Variants in PANX2 observed in about 807,000 individuals in gnomAD.
PANX2 encodes pannexin 2, also known as pannexin-2.
A neutral mutation model predicts 38.7 loss-of-function variants in PANX2; 30 were observed. The ratio of observed to expected loss-of-function variants is 0.78; its 90% CI spans 0.58 to 1.05. PANX2 has a LOEUF of 1.05. PANX2 is among the 50% of genes least tolerant of loss of function. The pLI is 0.00. For missense variants in PANX2, 880 were observed against 979.3 expected (o/e 0.90, Z 1.35); for synonymous variants, 539 against 472.1 (o/e 1.14, Z -1.84).
chr22:50,178,550 G>A, intron 2 of PANX2, 148 bp downstream of exon 2: 1 of 575,262 alleles, frequency 1.7e-6, no homozygotes, highest in Non-Finnish European at 2.9e-6. Context: ...GGAGGAGGCC[G>A]AGGTTTGAAC....
At chr22:50,176,806 A>G in intron 1 of PANX2, 133 bp from the exon 2 acceptor site, 1 of 952,640 alleles carries the variant, frequency 1.0e-6, no homozygotes. Flanking sequence ...GGGCAACCGC[A>G]GGTGCTGTGT....
Position 50,178,218 on chromosome 22 carries a change from G to T in PANX2, c.1506G>T (p.Pro502=). Reference sequence around the variant, plus strand: ...GCCCCGCCCCTGCCCCCGCCCCGCCGCCCGCCCCTGACAAGAAGCACGCGC... The same window carrying T: ...GCCCCGCCCCTGCCCCCGCCCCGCCTCCCGCCCCTGACAAGAAGCACGCGC... ...GPGPAPAPAP[P]PAPDKKHARH... is the part of the protein sequence containing the mutation. Residue 502 remains proline (P), a synonymous_variant, in exon 2 of 3, where the codon CCG becomes CCT. Coordinates refer to ENST00000395842, the MANE Select transcript of PANX2 (RefSeq NM_052839.4). 2 of 952,720 alleles carry T rather than the reference G, an allele frequency of 2.1e-6. No individual in the cohort carries two copies. Among genetic ancestry groups the T allele is most frequent in the South Asian group, 1.9e-5 (1 of 51,986 alleles). 59.0% of individuals were successfully genotyped at this position (952,720 alleles called of 1,614,324 possible).
intron 1 of PANX2, among the ~76,000 whole-genome samples, chr22:50,176,101 G>A (rs1177624236): frequency 6.6e-6 from 1 of 152,190 alleles, no homozygotes; most frequent in Non-Finnish European, 1.5e-5. Context: ...AGGCCCCCAG[G>A]CTCTGAGCCT....
chr22:50,177,578 T>G lies in PANX2; in HGVS notation c.866T>G (p.Ile289Ser), dbSNP rs1347325053. ...CTCCCGTCCGTGCAACTGCAGCGCA[T>G]CATCGCGGGCGTGGACATCGTGCTG... ...CKLPSVQLQR[I>S]IAGVDIVLLC... The change falls in exon 2 of 3, where the codon ATC becomes AGC. Residue 289 changes from isoleucine (I) to serine (S), a missense_variant. Around this residue, in one of 4 missense-constraint regions of PANX2, gnomAD observed 114 missense variants for 108.8 expected, o/e 1.05. Coordinates refer to ENST00000395842, the MANE Select transcript of PANX2 (RefSeq NM_052839.4). 1 of 1,612,680 alleles carries G rather than the reference T, an allele frequency of 6.2e-7. No individual in the cohort carries two copies. Among genetic ancestry groups the G allele is most frequent in the Non-Finnish European group, 8.5e-7 (1 of 1,179,936 alleles).
Position 50,177,460 on chromosome 22 carries a change from G to A in PANX2, c.748G>A (p.Ala250Thr), listed in dbSNP as rs1341915088. 1 of 1,608,678 alleles carries A rather than the reference G, an allele frequency of 6.2e-7. No homozygotes were observed. The highest frequency in any genetic ancestry group is 1.7e-5 in the Admixed American group (1 of 59,316). ...VPISYLCTYY[A>T]TQKQNEFTCA... ...CATCTCCTACCTGTGCACCTACTAC[G>A]CCACGCAGAAGCAGAACGAGTTCAC... The change falls in exon 2 of 3, where the codon GCC becomes ACC. Residue 250 changes from alanine (A) to threonine (T), a missense_variant. Physicochemically the swap from Ala to Thr is moderately conservative, Grantham distance 58. Transcript: ENST00000395842.
At chr22:50,173,186 C>T (rs1373540768) in intron 1 of PANX2, among the ~76,000 whole-genome samples, 2 of 151,788 alleles carry the variant, frequency 1.3e-5, no homozygotes, top group Admixed American at 6.6e-5. Context: ...GTTGAGCCAC[C>T]GTGCCTGACC....
chr22:50,176,567 G>A (rs1270382379), intron 1 of PANX2, among the ~76,000 whole-genome samples: 1 of 152,250 alleles, frequency 6.6e-6, no homozygotes, highest in African/African-American at 2.4e-5. Flanking sequence ...GCTGTGTGTG[G>A]ATAGAAGAAG....
chr22:50,175,937 C>T (rs1464760837), intron 1 of PANX2, among the ~76,000 whole-genome samples: 1 of 152,252 alleles, frequency 6.6e-6, no homozygotes, highest in Non-Finnish European at 1.5e-5. Context: ...AGGCCTGTCC[C>T]TGTTGCTTCT....
chr22:50,174,730 C>T (rs545526621), intron 1 of PANX2, among the ~76,000 whole-genome samples: 67 of 152,208 alleles, frequency 4.4e-4, no homozygotes, highest in African/African-American at 1.4e-3. Flanking sequence ...AGGAGGGCCT[C>T]GGACAGAGGA....
chr22:50,178,860 C>T, intron 2 of PANX2, 74 bp from the exon 3 acceptor site: 2 of 1,334,260 alleles, frequency 1.5e-6, no homozygotes, highest in South Asian at 2.8e-5. Context: ...CCCCCGCCAG[C>T]CTGCACTGGG....
chr22:50,174,593 G>A (rs1055160088), intron 1 of PANX2, among the ~76,000 whole-genome samples: 2 of 152,218 alleles, frequency 1.3e-5, no homozygotes, highest in Non-Finnish European at 2.9e-5. Context: ...ACACAGCAAT[G>A]TCTTCCAAGA....
chr22:50,174,793 C>T (rs2147060437), intron 1 of PANX2, among the ~76,000 whole-genome samples: 2 of 152,310 alleles, frequency 1.3e-5, no homozygotes, highest in East Asian at 3.9e-4. Context: ...GCTCAGCAGC[C>T]CCTCTCTGCT....
At position 50,178,966 on chromosome 22, in the gene PANX2, C is replaced by G; in HGVS notation, c.1723C>G (p.Pro575Ala). ...APLPEKEIPYPTEPARAGLPS... is the reference protein window; with the variant it reads ...APLPEKEIPYATEPARAGLPS... ...GCTCCCCGAGAAGGAAATCCCGTACCCCACAGAGCCAGCCCGGGCAGGGCT... is the reference window on the plus strand; with the variant it reads ...GCTCCCCGAGAAGGAAATCCCGTACGCCACAGAGCCAGCCCGGGCAGGGCT... The change falls in exon 3 of 3, where the codon CCC becomes GCC. Residue 575 changes from proline (P) to alanine (A), a missense_variant. This residue lies in a region of PANX2 where 445 missense variants were observed against 404.3 expected (regional missense o/e 1.10). Coordinates refer to ENST00000395842, the MANE Select transcript of PANX2 (RefSeq NM_052839.4). 1.9e-6 allele frequency: 3 copies of G among 1,594,940 alleles called. No individual in the cohort carries two copies. The highest frequency in any genetic ancestry group is 2.6e-6 in the Non-Finnish European group (3 of 1,169,600).
chr22:50,177,124 C>G lies in PANX2; in HGVS notation c.412C>G (p.Pro138Ala). ...LLAFAAIMYVPALGWEFLAST... is the reference protein window; with the variant it reads ...LLAFAAIMYVAALGWEFLAST... ...GGCCTTCGCCGCCATCATGTACGTG[C>G]CCGCGCTGGGCTGGGAGTTCCTGGC... Residue 138 changes from proline (P) to alanine (A), a missense_variant, in exon 2 of 3, where the codon CCC becomes GCC. Physicochemically the swap from Pro to Ala is conservative, Grantham distance 27. This residue lies in a region of PANX2 where 243 missense variants were observed against 333.1 expected (regional missense o/e 0.73). Transcript: ENST00000395842. 1.2e-6 allele frequency: 2 copies of G among 1,608,832 alleles called. No individual in the cohort carries two copies. Among genetic ancestry groups the G allele is most frequent in the Non-Finnish European group, 1.7e-6 (2 of 1,177,990 alleles).
At position 50,179,924 on chromosome 22, in the gene PANX2, G is replaced by GGT; in HGVS notation, c.*657_*658dup. 1 of 154,362 alleles carries GGT rather than the reference G, an allele frequency of 6.5e-6. No individual in the cohort carries two copies. The highest frequency in any genetic ancestry group is 1.4e-5 in the Non-Finnish European group (1 of 69,278). The allele number at this position is 154,362 out of a possible 1,614,324, so 9.6% of individuals were successfully genotyped here. On this transcript the variant is annotated 3_prime_UTR_variant, in exon 3 of 3. Coordinates refer to ENST00000395842, the MANE Select transcript of PANX2 (RefSeq NM_052839.4). ...AGACAGGATGGGTTTAAAGCAGGATGGTGTGTGTGTGAACGGGCATGAGCA... is the reference window on the plus strand; with the variant it reads ...AGACAGGATGGGTTTAAAGCAGGATGGTGTGTGTGTGTGAACGGGCATGAGCA...
intron 1 of PANX2, 105 bp downstream of exon 1, chr22:50,171,061 AC>A (rs2063627100): frequency 2.1e-6 from 1 of 475,606 alleles, no homozygotes. Flanking sequence ...AGCCGCGCCC[AC>A]CGTGGCCTGG....
In PANX2 at chr22:50,178,966, C is replaced by T. The variant is rs201644775; in HGVS notation, c.1723C>T (p.Pro575Ser). The T allele has an allele frequency of 3.4e-5, 54 of 1,594,940 alleles. No homozygotes were observed. In the African/African-American group the frequency reaches 6.6e-4, roughly 19 times the overall value. The change falls in exon 3 of 3, where the codon CCC becomes TCC. Residue 575 changes from proline to serine, a missense_variant. Transcript: ENST00000395842. Reference protein sequence around the residue: ...APLPEKEIPYPTEPARAGLPS... With the variant: ...APLPEKEIPYSTEPARAGLPS... The stretch of plus-strand genomic sequence containing the variant: ...GCTCCCCGAGAAGGAAATCCCGTAC[C>T]CCACAGAGCCAGCCCGGGCAGGGCT...
Position 50,177,585 on chromosome 22 carries a change from G to A in PANX2, c.873G>A (p.Ala291=), listed in dbSNP as rs771226727. 8.7e-6 allele frequency: 14 copies of A among 1,612,736 alleles called. No individual in the cohort carries two copies. The South Asian group carries it at 1.4e-4, about 16-fold the overall frequency. The part of the protein sequence containing the change: ...LPSVQLQRII[A]GVDIVLLCVM... ...CCGTGCAACTGCAGCGCATCATCGC[G>A]GGCGTGGACATCGTGCTGCTGTGCG... The change falls in exon 2 of 3, where the codon GCG becomes GCA. Residue 291 remains alanine (A), a synonymous_variant. Coordinates refer to ENST00000395842, the MANE Select transcript of PANX2 (RefSeq NM_052839.4).
Position 50,177,936 on chromosome 22 carries a change from C to A in PANX2, c.1224C>A (p.Ser408Arg), listed in dbSNP as rs760403425. Reference protein sequence around the residue: ...RDSGVQTVDPSANPAEPDGAA... With the variant: ...RDSGVQTVDPRANPAEPDGAA... ...CGGGGGTGCAGACCGTGGACCCCAG[C>A]GCCAACCCCGCCGAGCCCGACGGCG... is the stretch of plus-strand genomic sequence containing the variant. The change falls in exon 2 of 3, where the codon AGC becomes AGA. Residue 408 changes from serine to arginine, a missense_variant. Physicochemically the swap from Ser to Arg is moderately radical, Grantham distance 110. This residue lies in a region of PANX2 where 445 missense variants were observed against 404.3 expected (regional missense o/e 1.10). Transcript: ENST00000395842. The A allele has an allele frequency of 2.6e-5, 40 of 1,531,114 alleles. No individual in the cohort carries two copies. In the South Asian group the frequency reaches 4.7e-4, roughly 18 times the overall value. 94.8% of individuals were successfully genotyped at this position (1,531,114 alleles called of 1,614,324 possible).
Sources: allele counts gnomAD v4.1 joint callset (sites outside exome capture counted in the v4.1 genomes callset), GRCh38; gene constraint gnomAD v4.1.1; regional missense constraint gnomAD v4.1.1; transcripts MANE v1.5; gene names NCBI Gene and HGNC (gene_info 2026-07-23, HGNC 2026-07-21).